SAMD5: variants seen among roughly 807,000 people sequenced by gnomAD.
SAMD5 encodes sterile alpha motif domain-containing protein 5.
Under a neutral mutation model 11.3 loss-of-function variants are expected in SAMD5, and 13 were observed. The observed-to-expected ratio is 1.15, with a 90% CI of 0.75 to 1.83. The LOEUF (loss-of-function observed/expected upper bound fraction) is 1.83, where lower values mean the gene tolerates loss of function less well. Ranked by LOEUF, SAMD5 falls within the 40% of genes most tolerant of loss-of-function variation. SAMD5 has a pLI of 0.00. For synonymous variants in SAMD5, 129 were observed against 111.3 expected (o/e 1.16, Z -1.00); for missense variants, 255 against 239.1 (o/e 1.07, Z -0.44).
the SAMD5 span, among the ~76,000 whole-genome samples, chr6:147,762,447 C>G: frequency 6.6e-6 from 1 of 152,132 alleles, no homozygotes; most frequent in Non-Finnish European, 1.5e-5. Flanking sequence ...GATCCACCTG[C>G]CTCAGCCTCC....
chr6:147,594,657 A>C (rs971653963), intron 1 of SAMD5, among the ~76,000 whole-genome samples: 1 of 152,184 alleles, frequency 6.6e-6, no homozygotes, highest in South Asian at 2.1e-4. Flanking sequence ...AGCAGGGGGA[A>C]GTTCAGGGCC....
chr6:147,521,666 G>GCCT (rs1247895011), intron 1 of SAMD5, among the ~76,000 whole-genome samples: 4 of 152,010 alleles, frequency 2.6e-5, no homozygotes, highest in Admixed American at 2.0e-4. Flanking sequence ...TATGTAAAGG[G>GCCT]CCTCATATAA....
the SAMD5 span, among the ~76,000 whole-genome samples, chr6:147,850,947 CTTTTTTTT>C: frequency 9.0e-5 from 12 of 133,474 alleles, no homozygotes; most frequent in African/African-American, 3.4e-4. Flanking sequence ...TATAATTGTT[CTTTTTTTT>C]TTTTTTTTTG....
chr6:147,920,917 TATG>T, the SAMD5 span, among the ~76,000 whole-genome samples: 1 of 152,246 alleles, frequency 6.6e-6, no homozygotes, highest in Non-Finnish European at 1.5e-5. Flanking sequence ...TACCCATAGC[TATG>T]ATATCCACTG....
At chr6:147,897,178 A>G in the SAMD5 span, among the ~76,000 whole-genome samples, 2 of 152,238 alleles carry the variant, frequency 1.3e-5, no homozygotes, top group South Asian at 4.1e-4. Context: ...TTATGGCACA[A>G]TAAAGCTGTT....
chr6:147,523,249 C>T (rs1053357518), intron 1 of SAMD5, among the ~76,000 whole-genome samples: 2 of 152,142 alleles, frequency 1.3e-5, no homozygotes, highest in Non-Finnish European at 2.9e-5. Context: ...GAAACAACAA[C>T]TCAATGTGTA....
the SAMD5 span, among the ~76,000 whole-genome samples, chr6:147,861,182 T>C: frequency 6.6e-6 from 1 of 151,930 alleles, no homozygotes; most frequent in Non-Finnish European, 1.5e-5. Context: ...TTTTTTTTTT[T>C]TAATCAGAGT....
chr6:147,816,281 C>CAAAAAAAAAAAAAAAA, the SAMD5 span, among the ~76,000 whole-genome samples: 3 of 27,844 alleles, frequency 1.1e-4, no homozygotes, highest in African/African-American at 3.2e-4. Flanking sequence ...ACTCCGTCTC[C>CAAAAAAAAAAAAAAAA]AAAAAAAAAA....
intron 1 of SAMD5, among the ~76,000 whole-genome samples, chr6:147,617,883 G>A (rs1422124799): frequency 6.6e-6 from 1 of 152,180 alleles, no homozygotes; most frequent in Non-Finnish European, 1.5e-5. Context: ...CAATGTGAAA[G>A]TGTTTCAAAG....
At chr6:147,822,946 C>A in the SAMD5 span, among the ~76,000 whole-genome samples, 1 of 152,032 alleles carries the variant, frequency 6.6e-6, no homozygotes, top group Non-Finnish European at 1.5e-5. Flanking sequence ...TCCCCAGAAG[C>A]TGGGATTACA....
At chr6:147,660,210 T>C (rs1790628016) in intron 1 of SAMD5, among the ~76,000 whole-genome samples, 1 of 152,230 alleles carries the variant, frequency 6.6e-6, no homozygotes, top group Non-Finnish European at 1.5e-5. Flanking sequence ...TGTATATATG[T>C]GAATGTCTAA....
At chr6:147,679,819 TC>T (rs1212690206) in intron 1 of SAMD5, among the ~76,000 whole-genome samples, 2 of 151,392 alleles carry the variant, frequency 1.3e-5, no homozygotes, top group African/African-American at 4.8e-5. Context: ...TTTTTTTTTT[TC>T]ATGTGGGTAT....
At chr6:147,816,301 AATATATAT>A in the SAMD5 span, among the ~76,000 whole-genome samples, 80 of 66,350 alleles carry the variant, frequency 1.2e-3, 2 homozygotes, top group African/African-American at 7.4e-3. Context: ...AAAAAAAAAA[AATATATAT>A]ATATATATAT....
chr6:147,894,991 T>C, the SAMD5 span, among the ~76,000 whole-genome samples: 2 of 152,238 alleles, frequency 1.3e-5, no homozygotes, highest in East Asian at 1.9e-4. Flanking sequence ...TGGAATTTTC[T>C]CATCTCACCT....
the SAMD5 span, among the ~76,000 whole-genome samples, chr6:147,902,611 C>T: frequency 1.7e-4 from 26 of 152,110 alleles, no homozygotes; most frequent in Middle Eastern, 3.2e-3. Flanking sequence ...GTTACTTCTG[C>T]GATTAATGCT....
At chr6:147,736,722 G>A (rs1433149510) in intron 1 of SAMD5, among the ~76,000 whole-genome samples, 3 of 152,050 alleles carry the variant, frequency 2.0e-5, no homozygotes, top group Admixed American at 2.0e-4. Context: ...GGAAAACCTA[G>A]GTATATTATA....
chr6:147,561,247 G>T (rs944145847), intron 1 of SAMD5, among the ~76,000 whole-genome samples: 2 of 152,158 alleles, frequency 1.3e-5, no homozygotes, highest in African/African-American at 4.8e-5. Context: ...GGAGTGCAGT[G>T]CCTGATCTCG....
intron 1 of SAMD5, among the ~76,000 whole-genome samples, chr6:147,532,114 A>G (rs1788439312): frequency 6.6e-6 from 1 of 152,110 alleles, no homozygotes; most frequent in African/African-American, 2.4e-5. Context: ...TGGCACATAG[A>G]GTTTCATATA....
chr6:147,916,542 A>T, the SAMD5 span, among the ~76,000 whole-genome samples: 1 of 151,932 alleles, frequency 6.6e-6, no homozygotes, highest in African/African-American at 2.4e-5. Context: ...TTGGCTGCAT[A>T]AATGTCTTTT....
Sources: allele counts gnomAD v4.1 joint callset (sites outside exome capture counted in the v4.1 genomes callset), GRCh38; gene constraint gnomAD v4.1.1; transcripts MANE v1.5; gene names NCBI Gene and HGNC (gene_info 2026-07-23, HGNC 2026-07-21).